The following SPARCL1 variants were observed in gnomAD, a reference collection of about 807,000 sequenced individuals.
The protein encoded by SPARCL1 is SPARC like 1, also known as SPARC-like protein 1.
A neutral mutation model predicts 67.1 loss-of-function variants in SPARCL1; 52 were observed. That is an observed-to-expected ratio of 0.78 (90% confidence interval 0.62 to 0.98). The LOEUF is 0.98. SPARCL1 is among the 50% of genes least tolerant of loss of function. The pLI is 0.00. For synonymous variants in SPARCL1, 226 were observed against 267.8 expected, an observed-to-expected ratio of 0.84 and a Z score of 1.52; for missense variants, 717 against 782.4, an observed-to-expected ratio of 0.92 and a Z score of 1.00.
In SPARCL1 at chr4:87,517,712, G is replaced by C. The variant is rs148816614; in HGVS notation, c.-12+11333C>G. On this transcript the variant is annotated intron_variant, in intron 1 of 10. Transcript: ENST00000282470. ...ATTCAGTGGAAATTGCCTCTCTTTT[G>C]CTAACAGAGTAAGTCAGTTGTTAAA... 3.8e-3 allele frequency among the ~76,000 whole-genome samples: 586 copies of C among 152,260 alleles called. 2 individuals carry two copies. Among genetic ancestry groups the C allele is most frequent in the East Asian group, 0.026 (137 of 5,190 alleles).
chr4:87,494,732 C>G (rs3763392), intron 3 of SPARCL1, 134 bp from the exon 4 acceptor site: 2 of 891,350 alleles, frequency 2.2e-6, no homozygotes. Context: ...ATTCCTCACA[C>G]TCTGTAGCCA....
At chr4:87,516,137 A>G (rs1725572978) in intron 1 of SPARCL1, among the ~76,000 whole-genome samples, 1 of 152,246 alleles carries the variant, frequency 6.6e-6, no homozygotes, top group African/African-American at 2.4e-5. Context: ...GTCATGTCAC[A>G]GAAGACACTT....
At chr4:87,481,478 C>T (rs1317130601) in intron 8 of SPARCL1, among the ~76,000 whole-genome samples, 4 of 152,270 alleles carry the variant, frequency 2.6e-5, no homozygotes, top group East Asian at 3.9e-4. Context: ...TCCATTCCTC[C>T]TAGTCTCTGT....
intron 1 of SPARCL1, among the ~76,000 whole-genome samples, chr4:87,514,375 C>G (rs1461014291): frequency 6.6e-6 from 1 of 152,154 alleles, no homozygotes; most frequent in East Asian, 1.9e-4. Context: ...GCCACTTGTG[C>G]AGGCTTTTTG....
Position 87,507,683 on chromosome 4 carries a change from C to T in SPARCL1, c.-11-8098G>A, listed in dbSNP as rs1560825293. Among the ~76,000 whole-genome samples the T allele has an allele frequency of 4.6e-5, 7 of 152,192 alleles. No individual in the cohort carries two copies. In the South Asian group the frequency reaches 1.4e-3, roughly 32 times the overall value. ...GCAGCAGGCACCAGCTGAGTGTCCT[C>T]CAAATGAATTCTGACACTGTGTACC... On this transcript the variant is annotated intron_variant, in intron 1 of 10. Transcript: ENST00000282470.
In SPARCL1 at chr4:87,493,635, T is replaced by C. The variant is rs1267409533; in HGVS notation, c.1165A>G (p.Lys389Glu). ...CCTATATTTTCATTTTCATGTACTT[T>C]TTCTCTTTGCTCCTCAATTTTGAGG... ...YHLKIEEQRE[K>E]VHENENIGTT... is the part of the protein sequence containing the mutation. The change falls in exon 4 of 11, where the codon AAA becomes GAA. Residue 389 changes from lysine (K) to glutamate (E), a missense_variant. Lys to Glu is a moderately conservative substitution (Grantham distance 56). Transcript: ENST00000282470. 1 of 1,613,926 alleles carries C rather than the reference T, an allele frequency of 6.2e-7. No individual in the cohort carries two copies. The highest frequency in any genetic ancestry group is 1.1e-5 in the South Asian group (1 of 91,072).
At chr4:87,474,029 A>T (rs1723460116) in intron 10 of SPARCL1, among the ~76,000 whole-genome samples, 1 of 152,214 alleles carries the variant, frequency 6.6e-6, no homozygotes. Context: ...GACTAATGGC[A>T]TGTAGACGTT....
chr4:87,485,521 A>AT (rs59992879), intron 7 of SPARCL1, among the ~76,000 whole-genome samples: 751 of 143,728 alleles, frequency 5.2e-3, no homozygotes, highest in Middle Eastern at 0.018. Flanking sequence ...ATTGGCCTGA[A>AT]TTTTTTTTTT....
At chr4:87,513,989 T>G (rs557184644) in intron 1 of SPARCL1, among the ~76,000 whole-genome samples, 1 of 151,818 alleles carries the variant, frequency 6.6e-6, no homozygotes, top group East Asian at 1.9e-4. Flanking sequence ...AGGTCAGGAG[T>G]TCGAGACCAG....
chr4:87,474,766 G>A (rs1270676533), intron 10 of SPARCL1, among the ~76,000 whole-genome samples: 3 of 99,600 alleles, frequency 3.0e-5, no homozygotes, highest in South Asian at 2.6e-4. Flanking sequence ...TTTTTGAGAC[G>A]GAGTCTCGCT....
chr4:87,491,951 C>T (rs1478871237), intron 4 of SPARCL1, among the ~76,000 whole-genome samples: 1 of 59,082 alleles, frequency 1.7e-5, no homozygotes, highest in South Asian at 1.0e-3. Context: ...CCCACCCCCC[C>T]CCCCAAAAAA....
intron 1 of SPARCL1, among the ~76,000 whole-genome samples, chr4:87,509,195 T>C (rs940177246): frequency 1.3e-5 from 2 of 151,918 alleles, no homozygotes; most frequent in Non-Finnish European, 2.9e-5. Flanking sequence ...TGATAATAGC[T>C]AACTTTACTA....
chr4:87,481,176 A>C lies in SPARCL1; in HGVS notation c.1669-656T>G, dbSNP rs183957789. ...GCAAACAGGACCTCCACCTGCTCCC[A>C]GAACCACAACTTTGCTCCCTGCGAC... On this transcript the variant is annotated intron_variant, in intron 8 of 10. Coordinates refer to ENST00000282470, the MANE Select transcript of SPARCL1 (RefSeq NM_004684.6). 2.9e-4 allele frequency among the ~76,000 whole-genome samples: 44 copies of C among 152,336 alleles called. No individual in the cohort carries two copies. In the East Asian group the frequency reaches 5.6e-3, roughly 19 times the overall value.
At position 87,476,888 on chromosome 4, in the gene SPARCL1, G is replaced by A. The variant is rs1723605677; in HGVS notation, c.1966+2542C>T. Among the ~76,000 whole-genome samples the A allele has an allele frequency of 3.9e-5, 6 of 152,330 alleles. No homozygotes were observed. In the South Asian group the frequency reaches 1.2e-3, roughly 32 times the overall value. On this transcript the variant is annotated intron_variant, in intron 10 of 10. Coordinates refer to ENST00000282470, the MANE Select transcript of SPARCL1 (RefSeq NM_004684.6). ...CTTCTCCTGTAGATTTCTCAGCCTT[G>A]AAGGAAAGAAGGGTATACTTACAAA...
chr4:87,496,760 A>T (rs188896859), intron 2 of SPARCL1, among the ~76,000 whole-genome samples: 1 of 152,336 alleles, frequency 6.6e-6, no homozygotes, highest in African/African-American at 2.4e-5. Context: ...CAGATGGCCT[A>T]TCCAGGTGTA....
intron 1 of SPARCL1, among the ~76,000 whole-genome samples, chr4:87,517,481 C>T (rs931841648): frequency 1.3e-5 from 2 of 152,076 alleles, no homozygotes; most frequent in Non-Finnish European, 2.9e-5. Context: ...CCTTTTAAAG[C>T]CTAGCCCCTG....
chr4:87,488,576 G>T (rs1378240569), intron 7 of SPARCL1, among the ~76,000 whole-genome samples: 1 of 152,216 alleles, frequency 6.6e-6, no homozygotes, highest in Non-Finnish European at 1.5e-5. Context: ...GGGGGTCAGG[G>T]ACCCACTTGA....
chr4:87,513,885 G>A (rs781162560), intron 1 of SPARCL1, among the ~76,000 whole-genome samples: 4 of 152,208 alleles, frequency 2.6e-5, no homozygotes, highest in Non-Finnish European at 5.9e-5. Flanking sequence ...AAACCATACC[G>A]AGGAAATAGG....
intron 10 of SPARCL1, among the ~76,000 whole-genome samples, chr4:87,475,723 T>C (rs1723558317): frequency 6.6e-6 from 1 of 152,072 alleles, no homozygotes; most frequent in Non-Finnish European, 1.5e-5. Context: ...TGGCTGTAAT[T>C]AAAAAGTCTA....
Sources: allele counts gnomAD v4.1 joint callset (sites outside exome capture counted in the v4.1 genomes callset), GRCh38; gene constraint gnomAD v4.1.1; transcripts MANE v1.5; gene names NCBI Gene and HGNC (gene_info 2026-07-23, HGNC 2026-07-21).